The following SDC2 variants were observed in gnomAD, a reference collection of about 807,000 sequenced individuals.
SDC2 encodes syndecan-2.
SDC2 carries 13 observed loss-of-function variants against 22.2 expected under a neutral mutation model. That is an observed-to-expected ratio of 0.59 (90% CI 0.38 to 0.93). SDC2 has a LOEUF of 0.93. Among genes scored for constraint, SDC2 ranks in the 40% least tolerant of loss-of-function variants. The pLI is 0.00. For missense variants in SDC2, 235 were observed against 246.8 expected, an observed-to-expected ratio of 0.95 and a Z score of 0.32; for synonymous variants, 94 against 92.8, an observed-to-expected ratio of 1.01 and a Z score of -0.07.
At chr8:96,541,401 G>A (rs913640658) in intron 1 of SDC2, among the ~76,000 whole-genome samples, 1 of 151,656 alleles carries the variant, frequency 6.6e-6, no homozygotes, top group African/African-American at 2.4e-5. Context: ...CAGCTACTCA[G>A]GAGGCTGAGG....
At chr8:96,580,885 G>A (rs886361961) in intron 1 of SDC2, among the ~76,000 whole-genome samples, 61 of 152,248 alleles carry the variant, frequency 4.0e-4, no homozygotes, top group African/African-American at 1.4e-3. Context: ...ATAAAATAGT[G>A]TTGAATTTAG....
chr8:96,537,395 C>T (rs747107999), intron 1 of SDC2: 15 of 152,102 alleles, frequency 9.9e-5, no homozygotes, highest in Non-Finnish European at 1.6e-4. Flanking sequence ...GGATCCCAAG[C>T]CTGAAGTTTA....
chr8:96,519,214 T>G (rs146720842), intron 1 of SDC2, among the ~76,000 whole-genome samples: 1 of 152,190 alleles, frequency 6.6e-6, no homozygotes, highest in Non-Finnish European at 1.5e-5. Flanking sequence ...CAGAGTGCAG[T>G]GCTTCCTGTA....
chr8:96,533,782 A>C (rs1016955518), intron 1 of SDC2, among the ~76,000 whole-genome samples: 6 of 152,200 alleles, frequency 3.9e-5, no homozygotes, highest in Non-Finnish European at 7.3e-5. Flanking sequence ...AGCTGGCTTC[A>C]CCCAATGGAT....
At chr8:96,539,168 C>T (rs567730720) in intron 1 of SDC2, among the ~76,000 whole-genome samples, 11 of 152,280 alleles carry the variant, frequency 7.2e-5, no homozygotes, top group South Asian at 2.1e-4. Flanking sequence ...CTTGTAATAA[C>T]GAGTACTGAG....
At chr8:96,585,840 C>G (rs1205183078) in intron 1 of SDC2, among the ~76,000 whole-genome samples, 1 of 151,048 alleles carries the variant, frequency 6.6e-6, no homozygotes, top group Non-Finnish European at 1.5e-5. Context: ...GCCAAGTAAT[C>G]CTCTGGCAAG....
chr8:96,589,238 C>G (rs866082702), intron 1 of SDC2, among the ~76,000 whole-genome samples: 1 of 152,062 alleles, frequency 6.6e-6, no homozygotes, highest in African/African-American at 2.4e-5. Context: ...GGGTATAATA[C>G]GAAGGAAAGT....
chr8:96,519,570 T>C (rs1375980532), intron 1 of SDC2, among the ~76,000 whole-genome samples: 1 of 152,116 alleles, frequency 6.6e-6, no homozygotes, highest in Admixed American at 6.5e-5. Context: ...TCTTAGATAA[T>C]CTAGGGGGGA....
At chr8:96,508,316 A>ATAG in intron 1 of SDC2, among the ~76,000 whole-genome samples, 1 of 140,112 alleles carries the variant, frequency 7.1e-6, no homozygotes, top group South Asian at 2.2e-4. Context: ...AATAATAATA[A>ATAG]TAATAATAAT....
intron 1 of SDC2, among the ~76,000 whole-genome samples, chr8:96,558,935 A>T (rs1814164608): frequency 2.0e-5 from 3 of 152,150 alleles, no homozygotes; most frequent in Admixed American, 2.0e-4. Context: ...CTTAATGCAA[A>T]TATTATTTTA....
intron 1 of SDC2, among the ~76,000 whole-genome samples, chr8:96,533,513 T>G (rs975972116): frequency 6.6e-6 from 1 of 151,562 alleles, no homozygotes; most frequent in Admixed American, 6.6e-5. Context: ...ATTGGTGTAT[T>G]TACAATCTCT....
At chr8:96,546,910 G>C (rs1563656658) in intron 1 of SDC2, among the ~76,000 whole-genome samples, 1 of 152,202 alleles carries the variant, frequency 6.6e-6, no homozygotes, top group African/African-American at 2.4e-5. Flanking sequence ...CAAGCCTTTT[G>C]TCTGAATTTC....
At chr8:96,581,535 G>T (rs1814589953) in intron 1 of SDC2, among the ~76,000 whole-genome samples, 1 of 151,980 alleles carries the variant, frequency 6.6e-6, no homozygotes, top group African/African-American at 2.4e-5. Flanking sequence ...GAGAGGCTGA[G>T]ACAGGAGAAT....
intron 1 of SDC2, among the ~76,000 whole-genome samples, chr8:96,496,820 A>T (rs1813084372): frequency 6.6e-6 from 1 of 152,182 alleles, no homozygotes; most frequent in Non-Finnish European, 1.5e-5. Context: ...TGCCTATGAA[A>T]AGGAACTGGT....
chr8:96,570,903 C>T (rs533448502), intron 1 of SDC2, among the ~76,000 whole-genome samples: 2 of 152,032 alleles, frequency 1.3e-5, no homozygotes, highest in African/African-American at 2.4e-5. Flanking sequence ...ACAGTGGTTA[C>T]CGGGGGAAGG....
At chr8:96,582,674 G>T (rs1814608524) in intron 1 of SDC2, among the ~76,000 whole-genome samples, 1 of 152,174 alleles carries the variant, frequency 6.6e-6, no homozygotes, top group Admixed American at 6.5e-5. Context: ...AGGTGAGTTA[G>T]GTGTAATAGA....
At chr8:96,590,702 C>T (rs1275974377) in intron 1 of SDC2, among the ~76,000 whole-genome samples, 1 of 151,794 alleles carries the variant, frequency 6.6e-6, no homozygotes. Context: ...TGAAAAGGGC[C>T]CTGCTTTATG....
At chr8:96,568,086 T>A (rs1563664663) in intron 1 of SDC2, among the ~76,000 whole-genome samples, 1 of 152,214 alleles carries the variant, frequency 6.6e-6, no homozygotes, top group Non-Finnish European at 1.5e-5. Context: ...TTAGCATCAG[T>A]AAACTTAAAG....
Position 96,610,590 on chromosome 8 carries a change from G to T in SDC2, c.*1042G>T, listed in dbSNP as rs865980214. The T allele has an allele frequency of 2.0e-5, 3 of 152,566 alleles. No homozygotes were observed. Among genetic ancestry groups the T allele is most frequent in the Non-Finnish European group, 4.4e-5 (3 of 68,018 alleles). The allele number at this position is 152,566 out of a possible 1,614,324, so 9.5% of individuals were successfully genotyped here. A position where few individuals can be genotyped will look rare whatever the true frequency, so the allele number is the denominator to read the frequency against. On this transcript the variant is annotated 3_prime_UTR_variant, in exon 5 of 5. Coordinates refer to ENST00000302190, the MANE Select transcript of SDC2 (RefSeq NM_002998.4). Reference sequence around the variant, plus strand: ...GTAGTCTTATGAATAGACATAAATTGTAATTTGGGAACATAAAAACTACTG... The same window carrying T: ...GTAGTCTTATGAATAGACATAAATTTTAATTTGGGAACATAAAAACTACTG...
Sources: allele counts gnomAD v4.1 joint callset (sites outside exome capture counted in the v4.1 genomes callset), GRCh38; gene constraint gnomAD v4.1.1; transcripts MANE v1.5; gene names NCBI Gene and HGNC (gene_info 2026-07-23, HGNC 2026-07-21).